The following LRP1B variants were observed in gnomAD, a reference collection of about 807,000 sequenced individuals.
LRP1B encodes the protein low-density lipoprotein receptor-related protein 1B.
Under a neutral mutation model 556.6 loss-of-function variants are expected in LRP1B, and 217 were observed. The observed-to-expected ratio is 0.39, with a 90% CI of 0.35 to 0.44. The LOEUF is 0.44. Among genes scored for constraint, LRP1B ranks in the 20% least tolerant of loss-of-function variants. The pLI, the probability that LRP1B is intolerant of heterozygous loss-of-function variation, is 1.00. For synonymous variants in LRP1B, 2,047 were observed against 1,865.8 expected, an observed-to-expected ratio of 1.10 and a Z score of -2.50; for missense variants, 5,053 against 5,620.8, an observed-to-expected ratio of 0.90 and a Z score of 3.23.
intron 7 of LRP1B, among the ~76,000 whole-genome samples, chr2:141,063,383 A>G (rs1699393299): frequency 6.6e-6 from 1 of 151,886 alleles, no homozygotes; most frequent in African/African-American, 2.4e-5. Context: ...GACATTGACT[A>G]ATTTTTAAAC....
intron 32 of LRP1B, among the ~76,000 whole-genome samples, chr2:140,801,796 G>T (rs551910718): frequency 6.6e-6 from 1 of 152,238 alleles, no homozygotes; most frequent in East Asian, 1.9e-4. Flanking sequence ...TAATGCCACA[G>T]CAGGTCCTAA....
chr2:140,242,275 T>C (rs1354042976), intron 87 of LRP1B, among the ~76,000 whole-genome samples: 4 of 151,138 alleles, frequency 2.6e-5, no homozygotes, highest in Non-Finnish European at 4.4e-5. Flanking sequence ...AAATACTACA[T>C]ACATGCTTAA....
intron 5 of LRP1B, among the ~76,000 whole-genome samples, chr2:141,236,557 T>C (rs1294762502): frequency 2.6e-5 from 4 of 152,334 alleles, no homozygotes; most frequent in African/African-American, 7.2e-5. Flanking sequence ...CTATAGTTAA[T>C]GATAACATGT....
chr2:140,979,291 T>C (rs1371580374), intron 18 of LRP1B, among the ~76,000 whole-genome samples: 1 of 152,188 alleles, frequency 6.6e-6, no homozygotes, highest in Non-Finnish European at 1.5e-5. Context: ...GAGAGCCTAT[T>C]TGTAAATTTT....
chr2:140,985,945 C>T (rs910745213), intron 17 of LRP1B, among the ~76,000 whole-genome samples: 35 of 151,668 alleles, frequency 2.3e-4, no homozygotes, highest in Non-Finnish European at 5.2e-4. Context: ...AATCACATTT[C>T]CCTCCCTCTC....
intron 83 of LRP1B, among the ~76,000 whole-genome samples, chr2:140,308,459 A>G (rs1684158510): frequency 6.6e-6 from 1 of 151,858 alleles, no homozygotes; most frequent in Non-Finnish European, 1.5e-5. Context: ...TGTGCCGTAG[A>G]TACATGCTAC....
chr2:141,673,095 C>T (rs1183426234), intron 2 of LRP1B, among the ~76,000 whole-genome samples: 2 of 152,194 alleles, frequency 1.3e-5, no homozygotes, highest in Non-Finnish European at 2.9e-5. Flanking sequence ...TGGAAGTCTT[C>T]TGCCTTCAAG....
At position 141,254,559 on chromosome 2, in the gene LRP1B, A is replaced by T. The variant is rs2105340219; in HGVS notation, c.426T>A (p.Asp142Glu). ...TCCCATCTTCTGTTATTTCGAATCC[A>T]TCCTCACAGTAACATCTTGTACTAT... is the stretch of plus-strand genomic sequence containing the variant. ...VRNSTRCYCEDGFEITEDGRS... is the reference protein window; with the variant it reads ...VRNSTRCYCEEGFEITEDGRS... The change falls in exon 4 of 91, where the codon GAT (aspartate) becomes GAA (glutamate). Residue 142 changes from aspartate (D) to glutamate (E), a missense_variant. Around this residue, in one of 5 missense-constraint regions of LRP1B, gnomAD observed 3,619 missense variants for 3,931.9 expected, o/e 0.92. Coordinates refer to ENST00000389484, the MANE Select transcript of LRP1B (RefSeq NM_018557.3). The T allele has an allele frequency of 6.2e-7, 1 of 1,612,076 alleles. No individual in the cohort carries two copies. Among genetic ancestry groups the T allele is most frequent in the Non-Finnish European group, 8.5e-7 (1 of 1,178,694 alleles).
At chr2:141,540,397 G>C (rs1050500011) in intron 2 of LRP1B, among the ~76,000 whole-genome samples, 3 of 151,988 alleles carry the variant, frequency 2.0e-5, no homozygotes, top group African/African-American at 7.2e-5. Context: ...GCATTTATAA[G>C]TGCATTGGAG....
At chr2:141,634,025 C>G (rs371246858) in intron 2 of LRP1B, among the ~76,000 whole-genome samples, 2 of 150,786 alleles carry the variant, frequency 1.3e-5, no homozygotes, top group East Asian at 1.9e-4. Context: ...ATTTCCCACA[C>G]AGCAATGCTT....
chr2:140,495,138 C>T (rs928657358), intron 56 of LRP1B, among the ~76,000 whole-genome samples: 1 of 152,062 alleles, frequency 6.6e-6, no homozygotes, highest in Non-Finnish European at 1.5e-5. Context: ...TTTATTATTA[C>T]TATTGTTGCT....
At chr2:140,384,822 G>A (rs1003564859) in intron 67 of LRP1B, among the ~76,000 whole-genome samples, 3 of 152,130 alleles carry the variant, frequency 2.0e-5, no homozygotes, top group Non-Finnish European at 4.4e-5. Context: ...AGTCATTATC[G>A]TTACTAATCT....
chr2:140,534,361 C>G (rs1262849173), intron 46 of LRP1B, among the ~76,000 whole-genome samples: 1 of 152,102 alleles, frequency 6.6e-6, no homozygotes, highest in African/African-American at 2.4e-5. Context: ...TTTAGTGATT[C>G]ATTCCGGGAG....
chr2:141,462,790 T>C (rs879826468), intron 3 of LRP1B, among the ~76,000 whole-genome samples: 1 of 149,752 alleles, frequency 6.7e-6, no homozygotes, highest in African/African-American at 2.5e-5. Flanking sequence ...ATACTAGTAG[T>C]AACCCGCTGC....
At chr2:141,872,674 C>T (rs10439187) in intron 1 of LRP1B, among the ~76,000 whole-genome samples, 26,138 of 151,096 alleles carry the variant, frequency 0.17, 2,298 homozygotes, top group South Asian at 0.19. Flanking sequence ...GGTCATATCC[C>T]AATAAAACAA....
chr2:141,655,189 A>T (rs754907116), intron 2 of LRP1B, among the ~76,000 whole-genome samples: 12 of 152,184 alleles, frequency 7.9e-5, no homozygotes, highest in Non-Finnish European at 1.5e-4. Flanking sequence ...CATTATCAAA[A>T]TTTGATCTCC....
At chr2:141,100,762 G>T (rs1173390893) in intron 7 of LRP1B, among the ~76,000 whole-genome samples, 2 of 152,088 alleles carry the variant, frequency 1.3e-5, no homozygotes, top group African/African-American at 4.8e-5. Context: ...AGCTGGAAGT[G>T]TTGCCCCTGA....
intron 3 of LRP1B, among the ~76,000 whole-genome samples, chr2:141,443,251 T>A (rs1402038839): frequency 6.6e-6 from 1 of 152,220 alleles, no homozygotes; most frequent in African/African-American, 2.4e-5. Context: ...TCTGTTCATA[T>A]CCTTCACCCA....
chr2:141,556,666 G>T (rs1245871591), intron 2 of LRP1B, among the ~76,000 whole-genome samples: 5 of 151,796 alleles, frequency 3.3e-5, no homozygotes, highest in Admixed American at 3.3e-4. Context: ...ACTTCTAGAG[G>T]TTAGTATGGG....
Sources: allele counts gnomAD v4.1 joint callset (sites outside exome capture counted in the v4.1 genomes callset), GRCh38; gene constraint gnomAD v4.1.1; regional missense constraint gnomAD v4.1.1; transcripts MANE v1.5; gene names NCBI Gene and HGNC (gene_info 2026-07-23, HGNC 2026-07-21).